Variants in UBE2E2 observed in about 807,000 individuals in gnomAD.
The protein encoded by UBE2E2 is ubiquitin-conjugating enzyme E2 E2.
In UBE2E2, 6 loss-of-function variants were observed where a neutral mutation model predicts 24.7. That is an observed-to-expected ratio of 0.24 (90% confidence interval 0.13 to 0.48). UBE2E2 has a LOEUF of 0.48. Ranked by LOEUF, UBE2E2 falls within the 20% of genes least tolerant of loss-of-function variation. The pLI, the probability that UBE2E2 is intolerant of heterozygous loss-of-function variation, is 0.99. For missense variants in UBE2E2, 169 were observed against 245.0 expected (o/e 0.69, Z 2.07); for synonymous variants, 104 against 83.6 (o/e 1.24, Z -1.33).
intron 3 of UBE2E2, among the ~76,000 whole-genome samples, chr3:23,357,293 CGTAA>C (rs1194966542): frequency 6.6e-6 from 1 of 151,842 alleles, no homozygotes; most frequent in Admixed American, 6.6e-5. Flanking sequence ...TGTTTGTTAC[CGTAA>C]GTGCTTTTTT....
Position 23,591,124 on chromosome 3 carries a change from G to GCTAT in UBE2E2, c.*1293_*1294insCTAT, listed in dbSNP as rs1696750573. On this transcript the variant is annotated 3_prime_UTR_variant, in exon 6 of 6. Coordinates refer to ENST00000396703, the MANE Select transcript of UBE2E2 (RefSeq NM_152653.4). Reference sequence around the variant, plus strand: ...AGGCTATTTTAGTGTGCAGCTATAGGAGGCAGAGGAAACGTGGGTGGTGTA... The same window carrying GCTAT: ...AGGCTATTTTAGTGTGCAGCTATAGGCTATAGGCAGAGGAAACGTGGGTGGTGTA... The GCTAT allele has an allele frequency of 6.6e-6, 1 of 152,194 alleles. No homozygotes were observed. The highest frequency in any genetic ancestry group is 2.1e-4 in the South Asian group (1 of 4,828). 9.4% of individuals were successfully genotyped at this position (152,194 alleles called of 1,614,324 possible). A position where few individuals can be genotyped will look rare whatever the true frequency, so the allele number is the denominator to read the frequency against.
At chr3:23,560,717 C>T (rs555240463) in intron 5 of UBE2E2, among the ~76,000 whole-genome samples, 1 of 152,220 alleles carries the variant, frequency 6.6e-6, no homozygotes, top group South Asian at 2.1e-4. Flanking sequence ...TTCACATCCT[C>T]TCCAGCATCT....
rs143796109 is a variant in UBE2E2, at chr3:23,407,265, GAAT to G, written c.228-92340_228-92338del. On this transcript the variant is annotated intron_variant, in intron 3 of 5. Coordinates refer to ENST00000396703, the MANE Select transcript of UBE2E2 (RefSeq NM_152653.4). This position sits in a 1 kb window ranked among gnomAD's most constrained non-coding sequence, Gnocchi z 4.0. ...TTTTTCCCCATTTTTTTTCTGGAAA[GAAT>G]AAAAAGATTCAGATGACATCTGAGA... 0.13 allele frequency among the ~76,000 whole-genome samples: 19,756 copies of G among 151,422 alleles called. 1,370 individuals carry two copies. The highest frequency in any genetic ancestry group is 0.2 in the Middle Eastern group (59 of 292).
intron 3 of UBE2E2, among the ~76,000 whole-genome samples, chr3:23,434,744 A>G (rs1051396914): frequency 7.2e-5 from 11 of 152,208 alleles, no homozygotes; most frequent in African/African-American, 2.2e-4. Context: ...TAGCACAATT[A>G]AGATGTGAGA....
intron 3 of UBE2E2, among the ~76,000 whole-genome samples, chr3:23,271,828 T>C (rs1383958161): frequency 6.6e-6 from 1 of 152,154 alleles, no homozygotes; most frequent in African/African-American, 2.4e-5. Flanking sequence ...CCCACCAGAT[T>C]AGCTAGATAC....
chr3:23,244,174 A>G (rs1355240675), intron 3 of UBE2E2, among the ~76,000 whole-genome samples: 3 of 152,154 alleles, frequency 2.0e-5, no homozygotes, highest in East Asian at 1.9e-4. Context: ...AGGAAATTAA[A>G]AAAAAGTTTA....
At chr3:23,423,106 G>T (rs1171206951) in intron 3 of UBE2E2, among the ~76,000 whole-genome samples, 1 of 152,146 alleles carries the variant, frequency 6.6e-6, no homozygotes, top group Non-Finnish European at 1.5e-5. Flanking sequence ...TCATTGGTTT[G>T]CAGTTCTTGA....
intron 4 of UBE2E2, 60 bp downstream of exon 4, chr3:23,499,800 C>G: frequency 6.4e-7 from 1 of 1,562,512 alleles, no homozygotes; most frequent in Non-Finnish European, 8.7e-7. Flanking sequence ...GATACATATA[C>G]TTATTCTTAA....
At chr3:23,519,344 G>A (rs1175809504) in intron 4 of UBE2E2, among the ~76,000 whole-genome samples, 1 of 151,194 alleles carries the variant, frequency 6.6e-6, no homozygotes, top group African/African-American at 2.4e-5. Context: ...CATAGTATTA[G>A]TCATGCCTGT....
chr3:23,213,171 C>T (rs1178061239), intron 2 of UBE2E2, among the ~76,000 whole-genome samples: 1 of 152,016 alleles, frequency 6.6e-6, no homozygotes, highest in Non-Finnish European at 1.5e-5. Context: ...TCTGCGTATC[C>T]ACACATTCAT....
At position 23,591,712 on chromosome 3, in the gene UBE2E2, G is replaced by A. The variant is rs915504117; in HGVS notation, c.*1881G>A. On this transcript the variant is annotated 3_prime_UTR_variant, in exon 6 of 6. Coordinates refer to ENST00000396703, the MANE Select transcript of UBE2E2 (RefSeq NM_152653.4). ...CCAATCCCTGACACAGACCAACATA[G>A]ACTGGGGGCTGGATGAAAAACAAAT... The A allele has an allele frequency of 6.6e-6, 1 of 152,164 alleles. No homozygotes were observed. Among genetic ancestry groups the A allele is most frequent in the African/African-American group, 2.4e-5 (1 of 41,426 alleles). 9.4% of individuals were successfully genotyped at this position (152,164 alleles called of 1,614,324 possible).
rs1203430978 is a variant in UBE2E2, at chr3:23,573,309, C to G, written c.509-16425C>G. On this transcript the variant is annotated intron_variant, in intron 5 of 5. Coordinates refer to ENST00000396703, the MANE Select transcript of UBE2E2 (RefSeq NM_152653.4). ...AAACTAGTGCAGTGAATATAGAGAG[C>G]CTTTATAAACATGCATCAAACCAGA... Among the ~76,000 whole-genome samples the G allele has an allele frequency of 4.6e-5, 7 of 152,048 alleles. No homozygotes were observed. In the Middle Eastern group the frequency reaches 0.01, roughly 222 times the overall value.
intron 3 of UBE2E2, among the ~76,000 whole-genome samples, chr3:23,277,614 TAAGA>T (rs1698400237): frequency 6.6e-6 from 1 of 152,098 alleles, no homozygotes; most frequent in Non-Finnish European, 1.5e-5. Context: ...TAATAAATGA[TAAGA>T]AAGAGTCCTA....
At chr3:23,448,759 A>T (rs1035379068) in intron 3 of UBE2E2, among the ~76,000 whole-genome samples, 2 of 152,174 alleles carry the variant, frequency 1.3e-5, no homozygotes, top group Admixed American at 1.3e-4. Context: ...GTTTGTAGTA[A>T]GCTGACCTCT....
intron 4 of UBE2E2, among the ~76,000 whole-genome samples, chr3:23,505,214 G>A (rs556645480): frequency 1.7e-4 from 26 of 151,424 alleles, no homozygotes; most frequent in Non-Finnish European, 3.2e-4. Flanking sequence ...AGCCACCGCC[G>A]CCGGCCTGTG....
At chr3:23,246,491 T>A (rs1697406219) in intron 3 of UBE2E2, among the ~76,000 whole-genome samples, 1 of 146,880 alleles carries the variant, frequency 6.8e-6, no homozygotes, top group Admixed American at 6.9e-5. Flanking sequence ...CACCTCAGCC[T>A]CCCAAAGTTC....
chr3:23,557,360 A>G (rs190354447), intron 5 of UBE2E2, among the ~76,000 whole-genome samples: 3 of 152,256 alleles, frequency 2.0e-5, no homozygotes. Context: ...GTATTCATTC[A>G]TTCATTTTCC....
intron 3 of UBE2E2, among the ~76,000 whole-genome samples, chr3:23,479,733 G>C (rs1699215938): frequency 6.6e-6 from 1 of 152,170 alleles, no homozygotes; most frequent in Non-Finnish European, 1.5e-5. Flanking sequence ...CCTTTTTGCA[G>C]GCAGCTTGTC....
intron 3 of UBE2E2, among the ~76,000 whole-genome samples, chr3:23,257,619 C>T (rs925524945): frequency 4.7e-5 from 7 of 147,462 alleles, no homozygotes; most frequent in Non-Finnish European, 8.9e-5. Flanking sequence ...GATCCTCCCA[C>T]CTCAGCCTCC....
Sources: allele counts gnomAD v4.1 joint callset (sites outside exome capture counted in the v4.1 genomes callset), GRCh38; gene constraint gnomAD v4.1.1; non-coding constraint Gnocchi (gnomAD v3.1); transcripts MANE v1.5; gene names NCBI Gene and HGNC (gene_info 2026-07-23, HGNC 2026-07-21).